The following CAND1 variants were observed in gnomAD, a reference collection of about 807,000 sequenced individuals.
The protein encoded by CAND1 is cullin-associated NEDD8-dissociated protein 1.
CAND1 carries 7 observed loss-of-function variants against 108.5 expected under a neutral mutation model. The ratio of observed to expected loss-of-function variants is 0.06; its 90% CI spans 0.04 to 0.12. The LOEUF is 0.12. CAND1 is among the 10% of genes least tolerant of loss of function. The pLI is 1.00. For missense variants in CAND1, 941 were observed against 1,448.7 expected (o/e 0.65, Z 5.69); for synonymous variants, 534 against 512.0 (o/e 1.04, Z -0.58).
intron 1 of CAND1, 59 bp from the exon 2 acceptor site, chr12:67,281,848 CATT>C (rs2044623016): frequency 1.1e-5 from 13 of 1,217,082 alleles, no homozygotes; most frequent in African/African-American, 3.1e-5. Flanking sequence ...TTTGAAAAAT[CATT>C]ATCTTTTTAA....
intron 1 of CAND1, among the ~76,000 whole-genome samples, chr12:67,274,916 T>A (rs886638984): frequency 6.6e-6 from 1 of 152,188 alleles, no homozygotes; most frequent in African/African-American, 2.4e-5. Flanking sequence ...TGGGTGGGCA[T>A]TTACAATAAC....
At chr12:67,297,908 C>T in intron 6 of CAND1, 55 bp downstream of exon 6, 1 of 989,824 alleles carries the variant, frequency 1.0e-6, no homozygotes, top group Non-Finnish European at 1.6e-6. Flanking sequence ...AGAGTAGAAT[C>T]ATAAGGTCTA....
chr12:67,281,889 C>T (rs2044623296), intron 1 of CAND1, 21 bp from the exon 2 acceptor site: 1 of 1,536,656 alleles, frequency 6.5e-7, no homozygotes, highest in African/African-American at 1.4e-5. Flanking sequence ...TTCAAATTAA[C>T]AAATTTTATT....
intron 13 of CAND1, chr12:67,310,985 ATT>A (rs2044943303): frequency 6.6e-6 from 1 of 152,008 alleles, no homozygotes; most frequent in Non-Finnish European, 1.5e-5. Context: ...TAAAAGGGTG[ATT>A]TGAAAAATGA....
chr12:67,288,029 A>G (rs1324920340), intron 2 of CAND1, among the ~76,000 whole-genome samples: 1 of 151,960 alleles, frequency 6.6e-6, no homozygotes, highest in Non-Finnish European at 1.5e-5. Flanking sequence ...AGGTCTTGGC[A>G]AATATTTTAT....
rs1254100635 is a variant in CAND1, at chr12:67,314,101, G to C, written c.*1271G>C. 6.6e-6 allele frequency: 1 copy of C among 152,188 alleles called. No individual in the cohort carries two copies. Among genetic ancestry groups the C allele is most frequent in the Non-Finnish European group, 1.5e-5 (1 of 68,000 alleles). 9.4% of individuals were successfully genotyped at this position (152,188 alleles called of 1,614,324 possible). A position where few individuals can be genotyped will look rare whatever the true frequency, so the allele number is the denominator to read the frequency against. Reference sequence around the variant, plus strand: ...CTTCCTTAAAATTTGTGGTGCTCCTGTAACAGTAAGAACTAATTCTGAAAT... The same window carrying C: ...CTTCCTTAAAATTTGTGGTGCTCCTCTAACAGTAAGAACTAATTCTGAAAT... On this transcript the variant is annotated 3_prime_UTR_variant, in exon 15 of 15. Transcript: ENST00000545606.
rs141225962 is a variant in CAND1, at chr12:67,301,903, A to G, written c.1001-420A>G. Among the ~76,000 whole-genome samples the G allele has an allele frequency of 3.7e-3, 570 of 152,228 alleles. 3 individuals carry two copies. The highest frequency in any genetic ancestry group is 0.013 in the African/African-American group (540 of 41,542). The stretch of plus-strand genomic sequence containing the variant: ...ACAAATCCATTTCATGGTTTGTCTT[A>G]TAAAGTCCCTGATTGTTTGCTTGAT... On this transcript the variant is annotated intron_variant, in intron 7 of 14. Transcript: ENST00000545606.
At chr12:67,286,562 A>ATTT (rs35747245) in intron 2 of CAND1, among the ~76,000 whole-genome samples, 12 of 143,218 alleles carry the variant, frequency 8.4e-5, no homozygotes, top group African/African-American at 2.8e-4. Flanking sequence ...TTTTTTGGCC[A>ATTT]TTTTTTTTTT....
intron 2 of CAND1, among the ~76,000 whole-genome samples, chr12:67,291,958 G>T (rs1026210442): frequency 6.6e-6 from 1 of 152,142 alleles, no homozygotes; most frequent in Non-Finnish European, 1.5e-5. Flanking sequence ...TCCGCCTCCT[G>T]GGTTTAAGCA....
intron 2 of CAND1, among the ~76,000 whole-genome samples, chr12:67,285,691 TACA>T (rs1423934554): frequency 1.3e-5 from 2 of 152,214 alleles, no homozygotes; most frequent in Admixed American, 6.5e-5. Context: ...AATTTTATCA[TACA>T]ACATCTCCAA....
intron 2 of CAND1, among the ~76,000 whole-genome samples, chr12:67,290,266 T>C (rs1019447697): frequency 1.3e-5 from 2 of 152,142 alleles, no homozygotes; most frequent in Non-Finnish European, 2.9e-5. Context: ...ATCCCAGCAC[T>C]TTGGAAGGCC....
At chr12:67,275,017 G>A (rs2044555821) in intron 1 of CAND1, among the ~76,000 whole-genome samples, 1 of 152,108 alleles carries the variant, frequency 6.6e-6, no homozygotes, top group Admixed American at 6.6e-5. Flanking sequence ...GATTAAGAAG[G>A]TGATTTCTGG....
rs570324259 is a variant in CAND1 at position 67,314,848 on chromosome 12, A to AT, written c.*2019dup. ...GCTCTTTTATGGCTTTAGTGTTTATATACCTGTTTATATGCATACATTAAC... is the reference window on the plus strand; with the variant it reads ...GCTCTTTTATGGCTTTAGTGTTTATATTACCTGTTTATATGCATACATTAAC... On this transcript the variant is annotated 3_prime_UTR_variant, in exon 15 of 15. Coordinates refer to ENST00000545606, the MANE Select transcript of CAND1 (RefSeq NM_018448.5). 2.5e-3 allele frequency: 387 copies of AT among 152,292 alleles called. 3 individuals are homozygous for AT. The highest frequency in any genetic ancestry group is 9.1e-3 in the African/African-American group (380 of 41,548). 9.4% of individuals were successfully genotyped at this position (152,292 alleles called of 1,614,324 possible). A position where few individuals can be genotyped will look rare whatever the true frequency, so the allele number is the denominator to read the frequency against.
At chr12:67,304,859 G>A in intron 9 of CAND1, 113 bp downstream of exon 9, 2 of 1,220,194 alleles carry the variant, frequency 1.6e-6, no homozygotes, top group Non-Finnish European at 2.3e-6. Context: ...AACTTAATAT[G>A]CACATAGAGC....
chr12:67,273,131 A>G (rs1441890196), intron 1 of CAND1, among the ~76,000 whole-genome samples: 1 of 152,240 alleles, frequency 6.6e-6, no homozygotes, highest in Non-Finnish European at 1.5e-5. Flanking sequence ...AAAAGTTATT[A>G]ATGAATGCCA....
intron 4 of CAND1, 72 bp downstream of exon 4, chr12:67,295,228 G>A: frequency 7.3e-7 from 1 of 1,362,354 alleles, no homozygotes; most frequent in Non-Finnish European, 9.9e-7. Context: ...ACCCTTTCTA[G>A]TAAATATAAT....
chr12:67,269,404 C>T lies in CAND1; in HGVS notation c.-314C>T, dbSNP rs937197674. ...GCGGAGCGAGTGGGAGCGAGACGGCCCTGAGTGGAAGTGTCTGGCTCCCCG... is the reference window on the plus strand; with the variant it reads ...GCGGAGCGAGTGGGAGCGAGACGGCTCTGAGTGGAAGTGTCTGGCTCCCCG... On this transcript the variant is annotated 5_prime_UTR_variant, in exon 1 of 15. Transcript: ENST00000545606. The T allele has an allele frequency of 2.6e-6, 1 of 382,440 alleles. No homozygotes were observed. The highest frequency in any genetic ancestry group is 3.3e-5 in the South Asian group (1 of 29,878). The allele number at this position is 382,440 out of a possible 1,614,324, so 23.7% of individuals were successfully genotyped here.
At chr12:67,270,507 A>G (rs2044510430) in intron 1 of CAND1, 1 of 152,148 alleles carries the variant, frequency 6.6e-6, no homozygotes, top group South Asian at 2.1e-4. Context: ...TCACTGCCAA[A>G]GGGGTGGATT....
At position 67,287,784 on chromosome 12, in the gene CAND1, A is replaced by G. The variant is rs188766669; in HGVS notation, c.213-4838A>G. On this transcript the variant is annotated intron_variant, in intron 2 of 14. Transcript: ENST00000545606. ...TAAAGGTATATATTTTCCTCTAAGTATGTCTTTAGCTACATCCTACAAATT... is the reference window on the plus strand; with the variant it reads ...TAAAGGTATATATTTTCCTCTAAGTGTGTCTTTAGCTACATCCTACAAATT... 4.0e-3 allele frequency among the ~76,000 whole-genome samples: 591 copies of G among 147,814 alleles called. 5 individuals carry two copies. Among genetic ancestry groups the G allele is most frequent in the African/African-American group, 0.014 (549 of 40,074 alleles).
Sources: allele counts gnomAD v4.1 joint callset (sites outside exome capture counted in the v4.1 genomes callset), GRCh38; gene constraint gnomAD v4.1.1; transcripts MANE v1.5; gene names NCBI Gene and HGNC (gene_info 2026-07-23, HGNC 2026-07-21).